The following SPMAP2L variants were observed in gnomAD, a reference collection of about 807,000 sequenced individuals.
SPMAP2L encodes sperm microtubule associated protein 2-like.
At chr4:56,615,357 C>T in the SPMAP2L span, among the ~76,000 whole-genome samples, 1 of 152,224 alleles carries the variant, frequency 6.6e-6, no homozygotes, top group African/African-American at 2.4e-5. Flanking sequence ...TGCGATCAGT[C>T]ATCTCTTCTG....
chr4:56,555,311 G>A, the SPMAP2L span, among the ~76,000 whole-genome samples: 8 of 152,100 alleles, frequency 5.3e-5, no homozygotes, highest in East Asian at 1.5e-3. Context: ...TATAGGATCT[G>A]TATTTTATCC....
At chr4:56,551,397 A>T in the SPMAP2L span, among the ~76,000 whole-genome samples, 1 of 152,122 alleles carries the variant, frequency 6.6e-6, no homozygotes, top group Non-Finnish European at 1.5e-5. Context: ...GTGATCTGTA[A>T]GATGGTGCAT....
chr4:56,594,142 A>C, the SPMAP2L span: 23 of 1,611,086 alleles, frequency 1.4e-5, no homozygotes, highest in South Asian at 2.5e-4. Context: ...CATCTGCAGA[A>C]CTGGTTGCTG....
At chr4:56,562,015 C>T in the SPMAP2L span, among the ~76,000 whole-genome samples, 4 of 152,134 alleles carry the variant, frequency 2.6e-5, no homozygotes, top group South Asian at 2.1e-4. Context: ...TGAGCCACCG[C>T]GCCTGGCCTG....
At chr4:56,578,929 T>G in the SPMAP2L span, among the ~76,000 whole-genome samples, 1 of 149,126 alleles carries the variant, frequency 6.7e-6, no homozygotes, top group Admixed American at 6.7e-5. Flanking sequence ...AAAAAAAAAG[T>G]AAGAAAGAAA....
chr4:56,626,090 G>C, the SPMAP2L span, among the ~76,000 whole-genome samples: 6 of 152,212 alleles, frequency 3.9e-5, no homozygotes, highest in Admixed American at 3.9e-4. Context: ...GTTCAGCTGA[G>C]AGGAAACTGA....
the SPMAP2L span, chr4:56,601,129 A>T: frequency 6.5e-7 from 1 of 1,528,408 alleles, no homozygotes; most frequent in Non-Finnish European, 8.8e-7. Flanking sequence ...TTTCAGGCTA[A>T]AGTGGGACAG....
At chr4:56,585,632 G>A in the SPMAP2L span, among the ~76,000 whole-genome samples, 2 of 152,170 alleles carry the variant, frequency 1.3e-5, no homozygotes, top group African/African-American at 4.8e-5. Context: ...GTGAGCCACT[G>A]CGCCTGTCCT....
chr4:56,548,646 G>T, the SPMAP2L span: 1 of 436,862 alleles, frequency 2.3e-6, no homozygotes, highest in South Asian at 7.1e-5. Context: ...GTTTATTTTG[G>T]TACATACTAT....
the SPMAP2L span, among the ~76,000 whole-genome samples, chr4:56,599,154 T>C: frequency 6.6e-6 from 1 of 152,092 alleles, no homozygotes; most frequent in Non-Finnish European, 1.5e-5. Context: ...TAAGTGTGTG[T>C]ATATATGTAT....
At chr4:56,558,251 A>AT in the SPMAP2L span, among the ~76,000 whole-genome samples, 1 of 152,176 alleles carries the variant, frequency 6.6e-6, no homozygotes, top group Non-Finnish European at 1.5e-5. Context: ...GATTACAGGC[A>AT]TGAGCCACCA....
the SPMAP2L span, among the ~76,000 whole-genome samples, chr4:56,598,424 G>T: frequency 4.6e-5 from 7 of 152,152 alleles, no homozygotes; most frequent in Non-Finnish European, 8.8e-5. Context: ...AGTGATAAAT[G>T]AGCTAATGTG....
chr4:56,546,049 C>T, the SPMAP2L span, among the ~76,000 whole-genome samples: 2 of 152,174 alleles, frequency 1.3e-5, no homozygotes, highest in African/African-American at 4.8e-5. Flanking sequence ...CTGCCTTGGC[C>T]TCCCAAAGTG....
chr4:56,543,402 A>T, the SPMAP2L span, among the ~76,000 whole-genome samples: 10 of 152,062 alleles, frequency 6.6e-5, no homozygotes, highest in African/African-American at 2.4e-4. Flanking sequence ...TTTTTAAAAT[A>T]AAGTTTAGGG....
chr4:56,547,580 C>T, the SPMAP2L span, among the ~76,000 whole-genome samples: 1 of 152,174 alleles, frequency 6.6e-6, no homozygotes, highest in African/African-American at 2.4e-5. Context: ...CCTATTAATC[C>T]TCCTATCTGA....
chr4:56,616,480 C>T, the SPMAP2L span, among the ~76,000 whole-genome samples: 1 of 152,180 alleles, frequency 6.6e-6, no homozygotes, highest in Non-Finnish European at 1.5e-5. Flanking sequence ...ACCCCACCAC[C>T]TTGAGTAGCA....
chr4:56,562,249 AT>A, the SPMAP2L span, among the ~76,000 whole-genome samples: 1 of 151,854 alleles, frequency 6.6e-6, no homozygotes, highest in African/African-American at 2.4e-5. Flanking sequence ...AAAAAGCTGA[AT>A]TTTCCCTTTC....
the SPMAP2L span, chr4:56,531,219 A>C: frequency 4.7e-6 from 7 of 1,478,836 alleles, no homozygotes; most frequent in South Asian, 5.3e-5. Flanking sequence ...CCTTCCCCTC[A>C]TTCCCCACGC....
At chr4:56,564,987 T>C in the SPMAP2L span, among the ~76,000 whole-genome samples, 49 of 152,356 alleles carry the variant, frequency 3.2e-4, no homozygotes, top group African/African-American at 1.2e-3. Context: ...GATGTCTTCC[T>C]ATTGGTTTCT....
Sources: allele counts gnomAD v4.1 joint callset (sites outside exome capture counted in the v4.1 genomes callset), GRCh38; gene constraint gnomAD v4.1.1; transcripts MANE v1.5; gene names NCBI Gene and HGNC (gene_info 2026-07-23, HGNC 2026-07-21).